YPEL1: variants seen among roughly 807,000 people sequenced by gnomAD.
YPEL1 encodes the protein protein yippee-like 1.
YPEL1 carries 7 observed loss-of-function variants against 17.3 expected under a neutral mutation model. The ratio of observed to expected loss-of-function variants is 0.40; its 90% CI spans 0.23 to 0.76. The LOEUF is 0.76. Among genes scored for constraint, YPEL1 ranks in the 30% least tolerant of loss-of-function variants. The probability of loss-of-function intolerance (pLI) is 0.35; values close to 1 mark genes in which losing one functional copy is unlikely to be tolerated. For synonymous variants in YPEL1, 59 were observed against 59.6 expected, an observed-to-expected ratio of 0.99 and a Z score of 0.05; for missense variants, 91 against 155.5, an observed-to-expected ratio of 0.59 and a Z score of 2.21.
intron 1 of YPEL1, among the ~76,000 whole-genome samples, chr22:21,712,872 T>C (rs1395682581): frequency 6.6e-6 from 1 of 152,018 alleles, no homozygotes. Flanking sequence ...ATATCTATAT[T>C]CTATATAGTT....
chr22:21,723,783 A>G (rs2068306259), intron 1 of YPEL1, among the ~76,000 whole-genome samples: 1 of 151,744 alleles, frequency 6.6e-6, no homozygotes, highest in Non-Finnish European at 1.5e-5. Context: ...CTCCTGCCTA[A>G]GCCTCCTGAG....
Position 21,698,371 on chromosome 22 carries a change from GAACTTGCCCA to G in YPEL1, c.*2748_*2757del, listed in dbSNP as rs2068020103. On this transcript the variant is annotated 3_prime_UTR_variant, in exon 5 of 5. Coordinates refer to ENST00000339468, the MANE Select transcript of YPEL1 (RefSeq NM_013313.5). ...AAAGTGCCCAAATAGAAGGAGCAGC[GAACTTGCCCA>G]AAACAGAAAAGCTCTAAATAGAACT... The G allele has an allele frequency of 6.6e-6, 1 of 151,946 alleles. No individual in the cohort carries two copies. Among genetic ancestry groups the G allele is most frequent in the Non-Finnish European group, 1.5e-5 (1 of 67,992 alleles). The allele number at this position is 151,946 out of a possible 1,614,324, so 9.4% of individuals were successfully genotyped here. A position where few individuals can be genotyped will look rare whatever the true frequency, so the allele number is the denominator to read the frequency against.
chr22:21,720,647 T>C (rs900712508), intron 1 of YPEL1, among the ~76,000 whole-genome samples: 2 of 149,548 alleles, frequency 1.3e-5, no homozygotes, highest in Non-Finnish European at 3.0e-5. Flanking sequence ...TGCACCACCA[T>C]GCCCAGCTAA....
intron 2 of YPEL1, among the ~76,000 whole-genome samples, chr22:21,709,919 G>A (rs114847970): frequency 0.011 from 1,712 of 151,248 alleles, 27 homozygotes; most frequent in African/African-American, 0.04. Context: ...GACGTATGAG[G>A]ATGCGGGGAG....
At chr22:21,728,876 CTCA>C (rs1330757981) in intron 1 of YPEL1, among the ~76,000 whole-genome samples, 1 of 152,186 alleles carries the variant, frequency 6.6e-6, no homozygotes, top group Non-Finnish European at 1.5e-5. Flanking sequence ...GGCACACTGG[CTCA>C]CGCCTGTAAT....
At chr22:21,718,986 C>A (rs970373945) in intron 1 of YPEL1, among the ~76,000 whole-genome samples, 6 of 150,188 alleles carry the variant, frequency 4.0e-5, no homozygotes, top group Non-Finnish European at 9.0e-5. Context: ...TTCTTAGAAT[C>A]AAGAAGACCT....
At chr22:21,724,828 C>T (rs2068318247) in intron 1 of YPEL1, among the ~76,000 whole-genome samples, 1 of 152,074 alleles carries the variant, frequency 6.6e-6, no homozygotes, top group South Asian at 2.1e-4. Context: ...CATCCACCCA[C>T]CTTGGCCTCC....
Position 21,703,809 on chromosome 22 carries a change from G to T in YPEL1, c.161+30C>A, listed in dbSNP as rs76845365. On this transcript the variant is annotated intron_variant, in intron 3 of 4. Coordinates refer to ENST00000339468, the MANE Select transcript of YPEL1 (RefSeq NM_013313.5). This position sits in a 1 kb window ranked among gnomAD's most constrained non-coding sequence, Gnocchi z 6.1. ...TCCAGGCCGTCCCAGGGCCCGTGCC[G>T]CTCCCCCCGGGCTGAACCAGGGTAC... 1.0e-4 allele frequency: 167 copies of T among 1,605,200 alleles called. No homozygotes were observed. The highest frequency in any genetic ancestry group is 5.6e-4 in the Admixed American group (33 of 58,984).
At chr22:21,725,923 G>A (rs555675280) in intron 1 of YPEL1, among the ~76,000 whole-genome samples, 29 of 152,200 alleles carry the variant, frequency 1.9e-4, no homozygotes, top group African/African-American at 6.0e-4. Flanking sequence ...TGCTTAAGCC[G>A]GGGAGGTCGA....
intron 1 of YPEL1, among the ~76,000 whole-genome samples, chr22:21,716,033 A>G (rs886889867): frequency 3.3e-5 from 5 of 152,140 alleles, no homozygotes; most frequent in African/African-American, 1.2e-4. Context: ...AAGTGCTGGG[A>G]TTACAGGCGT....
At chr22:21,732,920 G>A (rs891088683) in intron 1 of YPEL1, among the ~76,000 whole-genome samples, 1 of 151,970 alleles carries the variant, frequency 6.6e-6, no homozygotes, top group Admixed American at 6.6e-5. Flanking sequence ...GGGCAACACA[G>A]TGAGAACCCC....
Position 21,703,844 on chromosome 22 carries a change from A to T in YPEL1, c.156T>A (p.Asn52Lys). 1 of 1,609,620 alleles carries T rather than the reference A, an allele frequency of 6.2e-7. No homozygotes were observed. Among genetic ancestry groups the T allele is most frequent in the Non-Finnish European group, 8.5e-7 (1 of 1,178,002 alleles). The change falls in exon 3 of 5, where the codon AAT becomes AAA. Residue 52 changes from asparagine (N) to lysine (K), a missense_variant. Asn to Lys is a moderately conservative substitution (Grantham distance 94). Coordinates refer to ENST00000339468, the MANE Select transcript of YPEL1 (RefSeq NM_013313.5). This position sits in a 1 kb window ranked among gnomAD's most constrained non-coding sequence, Gnocchi z 6.1. ...QGSQGRAYLF[N>K]SVVNVGCGPA... ...GGCTGAACCAGGGTACTCACACGGA[A>T]TTGAAGAGGTAGGCGCGTCCCTGGC...
rs1166798401 is a variant in YPEL1, at chr22:21,698,709, G to C, written c.*2420C>G. The C allele has an allele frequency of 1.3e-5, 2 of 152,422 alleles. No individual in the cohort carries two copies. The highest frequency in any genetic ancestry group is 6.5e-5 in the Admixed American group (1 of 15,286). 9.4% of individuals were successfully genotyped at this position (152,422 alleles called of 1,614,324 possible). On this transcript the variant is annotated 3_prime_UTR_variant, in exon 5 of 5. Coordinates refer to ENST00000339468, the MANE Select transcript of YPEL1 (RefSeq NM_013313.5). ...TCAAGACAATTGACTGAAGCCACAG[G>C]CATTGCTAACTTCATGGGCCAGCTT...
At chr22:21,723,914 G>GC (rs1436112824) in intron 1 of YPEL1, among the ~76,000 whole-genome samples, 2 of 151,714 alleles carry the variant, frequency 1.3e-5, no homozygotes, top group South Asian at 2.1e-4. Context: ...TGATCCACCC[G>GC]CCTTGGCCTC....
At chr22:21,732,650 C>T (rs1738547209) in intron 1 of YPEL1, among the ~76,000 whole-genome samples, 1 of 151,928 alleles carries the variant, frequency 6.6e-6, no homozygotes, top group Non-Finnish European at 1.5e-5. Flanking sequence ...GCTGTTGTGG[C>T]GGGTGCCTGT....
At chr22:21,728,407 C>A (rs1293775135) in intron 1 of YPEL1, among the ~76,000 whole-genome samples, 1 of 152,210 alleles carries the variant, frequency 6.6e-6, no homozygotes, top group Non-Finnish European at 1.5e-5. Context: ...GGACGTGCAG[C>A]GGCTCCCAGA....
In YPEL1 at chr22:21,698,927, A is replaced by G. The variant is rs2068034902; in HGVS notation, c.*2202T>C. ...ATAGCCGGATGTGGAGGCTTCCAAG[A>G]CAGTACAAAGATTTCCTTCCTTTCC... is the stretch of plus-strand genomic sequence containing the variant. On this transcript the variant is annotated 3_prime_UTR_variant, in exon 5 of 5. Coordinates refer to ENST00000339468, the MANE Select transcript of YPEL1 (RefSeq NM_013313.5). 3.9e-5 allele frequency: 6 copies of G among 152,474 alleles called. No individual in the cohort carries two copies. The highest frequency in any genetic ancestry group is 3.9e-4 in the Admixed American group (6 of 15,292). 9.4% of individuals were successfully genotyped at this position (152,474 alleles called of 1,614,324 possible).
intron 1 of YPEL1, among the ~76,000 whole-genome samples, chr22:21,717,295 GA>G (rs1243833861): frequency 1.3e-5 from 2 of 150,952 alleles, no homozygotes; most frequent in Non-Finnish European, 2.9e-5. Flanking sequence ...AGAGTTGCTT[GA>G]ACCCGGGAGG....
rs550913052 is a variant in YPEL1, at chr22:21,719,745, C to T, written c.-164-8837G>A. Reference sequence around the variant, plus strand: ...ATTGAAAATACAAAAATTAGCCAGGCGGCCGGACGCGGTGGCTCACGCCTG... The same window carrying T: ...ATTGAAAATACAAAAATTAGCCAGGTGGCCGGACGCGGTGGCTCACGCCTG... On this transcript the variant is annotated intron_variant, in intron 1 of 4. Transcript: ENST00000339468. Among the ~76,000 whole-genome samples the T allele has an allele frequency of 7.5e-4, 114 of 152,068 alleles. 1 individual carries two copies. The highest frequency in any genetic ancestry group is 3.4e-3 in the Middle Eastern group (1 of 294).
Sources: allele counts gnomAD v4.1 joint callset (sites outside exome capture counted in the v4.1 genomes callset), GRCh38; gene constraint gnomAD v4.1.1; non-coding constraint Gnocchi (gnomAD v3.1); transcripts MANE v1.5; gene names NCBI Gene and HGNC (gene_info 2026-07-23, HGNC 2026-07-21).